The following TATDN3 variants were observed in gnomAD, a reference collection of about 807,000 sequenced individuals.
TATDN3 encodes TatD DNase domain containing 3.
A neutral mutation model predicts 40.1 loss-of-function variants in TATDN3; 29 were observed. The observed-to-expected ratio is 0.72, with a 90% CI of 0.54 to 0.99. The LOEUF is 0.99. Among genes scored for constraint, TATDN3 ranks in the 50% least tolerant of loss-of-function variants. The pLI, the probability that TATDN3 is intolerant of heterozygous loss-of-function variation, is 0.00. For synonymous variants in TATDN3, 105 were observed against 117.0 expected, an observed-to-expected ratio of 0.90 and a Z score of 0.66; for missense variants, 309 against 321.9, an observed-to-expected ratio of 0.96 and a Z score of 0.31.
chr1:212,803,897 G>A (rs1280504697), intron 5 of TATDN3, among the ~76,000 whole-genome samples: 2 of 151,978 alleles, frequency 1.3e-5, no homozygotes, highest in African/African-American at 4.8e-5. Context: ...TTAGCCGGGC[G>A]TGGTAGCAGG....
intron 8 of TATDN3, among the ~76,000 whole-genome samples, chr1:212,810,511 C>CAA (rs55912631): frequency 0.15 from 7,505 of 49,598 alleles, 1,253 homozygotes; most frequent in East Asian, 0.34. Context: ...GACTCTGTCT[C>CAA]AAAAAAAAAA....
At chr1:212,808,314 A>C (rs76583305) in intron 8 of TATDN3, among the ~76,000 whole-genome samples, 2 of 149,430 alleles carry the variant, frequency 1.3e-5, no homozygotes, top group African/African-American at 2.4e-5. Flanking sequence ...CTCCATCTCA[A>C]AAAAAAAAAA....
intron 1 of TATDN3, chr1:212,794,890 T>A (rs1047728009): frequency 4.1e-5 from 27 of 663,058 alleles, no homozygotes; most frequent in African/African-American, 3.9e-4. Context: ...TAGAGGCTTC[T>A]GTTTTAGTGC....
intron 8 of TATDN3, among the ~76,000 whole-genome samples, chr1:212,811,285 A>G (rs1211211405): frequency 3.6e-4 from 55 of 151,984 alleles, no homozygotes; most frequent in Admixed American, 3.5e-3. Flanking sequence ...GGCAGCCACC[A>G]CTACGCCCGG....
In TATDN3 at chr1:212,804,379, A is replaced by G; in HGVS notation, c.381A>G (p.Arg127=). 1 of 1,614,144 alleles carries G rather than the reference A, an allele frequency of 6.2e-7. No individual in the cohort carries two copies. The highest frequency in any genetic ancestry group is 8.5e-7 in the Non-Finnish European group (1 of 1,180,002). The change falls in exon 6 of 10, where the codon AGA becomes AGG. Residue 127 remains arginine (R), a synonymous_variant. Transcript: ENST00000366974. ...CTGGTGAACAGAAGGAAGAGCAAAG[A>G]CAAGTCCTAATCAGACAGATCCAGT... ...AGTGEQKEEQ[R]QVLIRQIQLA...
intron 4 of TATDN3, among the ~76,000 whole-genome samples, chr1:212,801,287 A>C (rs569486148): frequency 6.8e-6 from 1 of 147,324 alleles, no homozygotes; most frequent in East Asian, 2.0e-4. Context: ...CTGAGGGCAG[A>C]AATAGACCTG....
At chr1:212,799,491 G>A (rs1366814220) in intron 4 of TATDN3, among the ~76,000 whole-genome samples, 1 of 151,892 alleles carries the variant, frequency 6.6e-6, no homozygotes. Context: ...TGATTGGACT[G>A]GTTAACTTAC....
At chr1:212,813,061 G>A (rs1443378903) in intron 9 of TATDN3, among the ~76,000 whole-genome samples, 3 of 152,048 alleles carry the variant, frequency 2.0e-5, no homozygotes, top group African/African-American at 4.8e-5. Flanking sequence ...GTATGTGAAC[G>A]TAACTAGCAG....
intron 7 of TATDN3, among the ~76,000 whole-genome samples, chr1:212,806,744 CTCCATATATAT>C (rs1558083546): frequency 4.2e-5 from 3 of 72,074 alleles, no homozygotes; most frequent in African/African-American, 1.9e-4. Flanking sequence ...CTCTCTCTCT[CTCCATATATAT>C]ATATATATAT....
chr1:212,812,241 C>T lies in TATDN3; in HGVS notation c.601-7C>T. The T allele has an allele frequency of 2.6e-6, 4 of 1,554,150 alleles. No individual in the cohort carries two copies. The highest frequency in any genetic ancestry group is 3.5e-6 in the Non-Finnish European group (4 of 1,153,466). On this transcript the variant is annotated splice_region_variant and splice_polypyrimidine_tract_variant and intron_variant, in intron 8 of 9. Transcript: ENST00000366974. ...TTTAAACTTAGCTGCTTTCTCTTTT[C>T]TCTAAGAAGCAGAAACTTGTGAAAC...
chr1:212,812,153 A>G, intron 8 of TATDN3, 95 bp from the exon 9 acceptor site: 1 of 783,312 alleles, frequency 1.3e-6, no homozygotes, highest in South Asian at 1.9e-5. Flanking sequence ...ATTTTAAGTT[A>G]TTGCAGAATA....
intron 5 of TATDN3, among the ~76,000 whole-genome samples, chr1:212,804,030 C>T (rs930013512): frequency 3.3e-5 from 5 of 151,740 alleles, no homozygotes; most frequent in Admixed American, 6.6e-5. Flanking sequence ...AGCCACACTC[C>T]GTCTCAACAA....
At position 212,793,901 on chromosome 1, in the gene TATDN3, T is replaced by C. The variant is rs577243282; in HGVS notation, c.67-1194T>C. Among the ~76,000 whole-genome samples the C allele has an allele frequency of 7.0e-4, 107 of 152,296 alleles. 1 individual carries two copies. The highest frequency in any genetic ancestry group is 9.1e-4 in the Non-Finnish European group (62 of 68,026). On this transcript the variant is annotated intron_variant, in intron 1 of 9. Coordinates refer to ENST00000366974, the MANE Select transcript of TATDN3 (RefSeq NM_001042552.3). The stretch of plus-strand genomic sequence containing the variant: ...AAAATAAAGATTTATGTTTGGGGCA[T>C]ATTGGGAAACCTAATCCCATCCAAA...
rs148528899 is a variant in TATDN3 at position 212,797,191 on chromosome 1, C to A, written c.253C>A (p.Leu85Ile). 1.0e-3 allele frequency: 1,630 copies of A among 1,612,850 alleles called. 16 individuals are homozygous for A. The highest frequency in any genetic ancestry group is 7.4e-3 in the Middle Eastern group (45 of 6,058). ...LPPEDQRSVTLKDLDVALPII... is the reference protein window; with the variant it reads ...LPPEDQRSVTIKDLDVALPII... Reference sequence around the variant, plus strand: ...ACCAGAAGACCAAAGAAGTGTCACACTAAAGGTAACAGTCATACAAAACAG... The same window carrying A: ...ACCAGAAGACCAAAGAAGTGTCACAATAAAGGTAACAGTCATACAAAACAG... The change falls in exon 4 of 10, where the codon CTA becomes ATA. Residue 85 changes from leucine (L) to isoleucine (I), a missense_variant. Coordinates refer to ENST00000366974, the MANE Select transcript of TATDN3 (RefSeq NM_001042552.3).
Position 212,806,819 on chromosome 1 carries a change from C to T in TATDN3, c.488-917C>T, listed in dbSNP as rs866258381. Among the ~76,000 whole-genome samples the T allele has an allele frequency of 7.1e-4, 42 of 59,300 alleles. 3 individuals carry two copies. The highest frequency in any genetic ancestry group is 6.9e-4 in the African/African-American group (13 of 18,744). The allele number at this position is 59,300 out of a possible 152,430, so 38.9% of individuals were successfully genotyped here. A position where few individuals can be genotyped will look rare whatever the true frequency, so the allele number is the denominator to read the frequency against. ...ACACACATATATACACATATATACA[C>T]ATATATACATATATATACATATATA... On this transcript the variant is annotated intron_variant, in intron 7 of 9. Coordinates refer to ENST00000366974, the MANE Select transcript of TATDN3 (RefSeq NM_001042552.3).
rs71495077 is a variant in TATDN3, at chr1:212,806,747, CATATATATATAT to C, written c.488-963_488-952del. 9.6e-4 allele frequency among the ~76,000 whole-genome samples: 42 copies of C among 43,976 alleles called. 5 individuals are homozygous for C. Among genetic ancestry groups the C allele is most frequent in the Admixed American group, 3.0e-3 (8 of 2,674 alleles). The allele number at this position is 43,976 out of a possible 152,430, so 28.8% of individuals were successfully genotyped here. A position where few individuals can be genotyped will look rare whatever the true frequency, so the allele number is the denominator to read the frequency against. On this transcript the variant is annotated intron_variant, in intron 7 of 9. Coordinates refer to ENST00000366974, the MANE Select transcript of TATDN3 (RefSeq NM_001042552.3). ...TTTATTCTCTCTCTCTCTCTCTCTCCATATATATATATATATATATATATATATATATATATA... is the reference window on the plus strand; with the variant it reads ...TTTATTCTCTCTCTCTCTCTCTCTCCATATATATATATATATATATATATA...
At chr1:212,793,887 T>G (rs1331041432) in intron 1 of TATDN3, among the ~76,000 whole-genome samples, 1 of 152,052 alleles carries the variant, frequency 6.6e-6, no homozygotes, top group African/African-American at 2.4e-5. Flanking sequence ...AAATAAAGAT[T>G]TATGTTTGGG....
chr1:212,799,947 C>T (rs1662070086), intron 4 of TATDN3, among the ~76,000 whole-genome samples: 1 of 152,124 alleles, frequency 6.6e-6, no homozygotes, highest in African/African-American at 2.4e-5. Context: ...ATTCCAGTTG[C>T]ACTTGTAGTC....
chr1:212,796,932 C>T (rs1661806897), intron 3 of TATDN3, 180 bp from the exon 4 acceptor site: 2 of 539,790 alleles, frequency 3.7e-6, no homozygotes, highest in Admixed American at 3.3e-5. Flanking sequence ...TACAGGATTT[C>T]ACCATGTTGG....
Sources: allele counts gnomAD v4.1 joint callset (sites outside exome capture counted in the v4.1 genomes callset), GRCh38; gene constraint gnomAD v4.1.1; transcripts MANE v1.5; gene names NCBI Gene and HGNC (gene_info 2026-07-23, HGNC 2026-07-21).